Variants in CHAT observed in about 807,000 individuals in gnomAD.
CHAT encodes the protein choline O-acetyltransferase.
Under a neutral mutation model 76.9 loss-of-function variants are expected in CHAT, and 61 were observed. The observed-to-expected ratio is 0.79, with a 90% CI of 0.65 to 0.98. The LOEUF is 0.98. Among genes scored for constraint, CHAT ranks in the 50% least tolerant of loss-of-function variants. The probability of loss-of-function intolerance (pLI) is 0.00; values close to 1 mark genes in which losing one functional copy is unlikely to be tolerated. For synonymous variants in CHAT, 407 were observed against 397.4 expected (o/e 1.02, Z -0.29); for missense variants, 946 against 986.9 (o/e 0.96, Z 0.56).
intron 13 of CHAT, among the ~76,000 whole-genome samples, chr10:49,659,736 C>T (rs1430969361): frequency 6.6e-6 from 1 of 152,062 alleles, no homozygotes; most frequent in Admixed American, 6.6e-5. Flanking sequence ...GTGGCACATA[C>T]CTGTAATCCC....
At chr10:49,660,804 T>C (rs1840170727) in intron 13 of CHAT, among the ~76,000 whole-genome samples, 1 of 152,122 alleles carries the variant, frequency 6.6e-6, no homozygotes, top group Non-Finnish European at 1.5e-5. Context: ...AAAGGAGAGA[T>C]ACAAAGATGC....
intron 7 of CHAT, among the ~76,000 whole-genome samples, chr10:49,630,575 C>T (rs1839083219): frequency 6.6e-6 from 1 of 152,096 alleles, no homozygotes; most frequent in East Asian, 1.9e-4. Context: ...TTTTCTCAGA[C>T]ATTTTGACAC....
chr10:49,667,477 G>A lies in CHAT; in HGVS notation c.*2431G>A, dbSNP rs141597878. 6.7e-4 allele frequency among the ~76,000 whole-genome samples: 102 copies of A among 152,340 alleles called. No individual in the cohort carries two copies. Among genetic ancestry groups the A allele is most frequent in the Admixed American group, 1.4e-3 (22 of 15,314 alleles). Reference sequence around the variant, plus strand: ...GCTATGAGAAGCGCAAACAGTAAACGCTTGGCAGGAGGGAACACTTCCTCT... The same window carrying A: ...GCTATGAGAAGCGCAAACAGTAAACACTTGGCAGGAGGGAACACTTCCTCT... On this transcript the variant is annotated 3_prime_UTR_variant, in exon 15 of 15. Coordinates refer to ENST00000337653, the MANE Select transcript of CHAT (RefSeq NM_020549.5).
Position 49,662,779 on chromosome 10 carries a change from C to A in CHAT, c.1974C>A (p.Ser658Arg). 6.2e-7 allele frequency: 1 copy of A among 1,614,206 alleles called. No homozygotes were observed. Among genetic ancestry groups the A allele is most frequent in the Non-Finnish European group, 8.5e-7 (1 of 1,180,048 alleles). ...GCAACCGGTTTGTCCTCTCCACTAG[C>A]CAGGTACGGCCCCGTGCAGCTATCG... Reference protein sequence around the residue: ...LMSNRFVLSTSQVPTTTEMFC... With the variant: ...LMSNRFVLSTRQVPTTTEMFC... Residue 658 changes from serine to arginine, a missense_variant, in exon 14 of 15, where the codon AGC (serine) becomes AGA (arginine). Around this residue, in one of 3 missense-constraint regions of CHAT, gnomAD observed 349 missense variants for 393.9 expected, o/e 0.89. Transcript: ENST00000337653.
intron 10 of CHAT, among the ~76,000 whole-genome samples, chr10:49,649,919 C>T (rs1168874829): frequency 1.6e-5 from 2 of 127,532 alleles, no homozygotes; most frequent in African/African-American, 3.1e-5. Context: ...TGAGCAGAGT[C>T]AAGGCCGGGA....
Position 49,665,025 on chromosome 10 carries a change from C to G in CHAT, c.2226C>G (p.Pro742=), listed in dbSNP as rs748981265. The stretch of plus-strand genomic sequence containing the variant: ...CAACAAAGGAAAAAGCCACGAGGCC[C>G]AGCCAGGGACACCAACCTTGACTCC... ...PLATKEKATR[P]SQGHQP is the part of the protein sequence containing the mutation. Residue 742 remains proline (P), a synonymous_variant, in exon 15 of 15, where the codon CCC becomes CCG. Transcript: ENST00000337653. 1 of 1,614,050 alleles carries G rather than the reference C, an allele frequency of 6.2e-7. No individual in the cohort carries two copies. Among genetic ancestry groups the G allele is most frequent in the Admixed American group, 1.7e-5 (1 of 60,022 alleles).
In CHAT at chr10:49,655,424, T is replaced by A; in HGVS notation, c.1815T>A (p.Arg605=). 1 of 1,614,122 alleles carries A rather than the reference T, an allele frequency of 6.2e-7. No individual in the cohort carries two copies. Among genetic ancestry groups the A allele is most frequent in the Non-Finnish European group, 8.5e-7 (1 of 1,180,018 alleles). Residue 605 remains arginine, a synonymous_variant, in exon 13 of 15, where the codon CGT becomes CGA. Transcript: ENST00000337653. ...TTCTGCTCCTGAAGGATGCCATCCGTGCCCAGACTGCATACACAGTCATGG... is the reference window on the plus strand; with the variant it reads ...TTCTGCTCCTGAAGGATGCCATCCGAGCCCAGACTGCATACACAGTCATGG... ...EKLLLLKDAI[R]AQTAYTVMAI...
chr10:49,648,092 G>T (rs11101193), intron 8 of CHAT: 80,405 of 248,054 alleles, frequency 0.32, 14,370 homozygotes, highest in South Asian at 0.41. Context: ...TTGTAGAATG[G>T]GAGTAAAGAT....
chr10:49,611,034 G>T (rs1266139564), upstream of CHAT: 3 of 1,613,934 alleles, frequency 1.9e-6, no homozygotes, highest in Admixed American at 1.7e-5. Context: ...CCAACACCTC[G>T]GCGTCCCCGA....
At chr10:49,625,729 C>T (rs1838897594) in intron 6 of CHAT, 76 bp downstream of exon 6, 12 of 1,443,492 alleles carry the variant, frequency 8.3e-6, no homozygotes, top group Middle Eastern at 3.5e-4. Flanking sequence ...TTACCTTCTC[C>T]GAGGGGGCTC....
At chr10:49,639,582 T>C (rs1279019950) in intron 7 of CHAT, among the ~76,000 whole-genome samples, 1 of 151,812 alleles carries the variant, frequency 6.6e-6, no homozygotes, top group Non-Finnish European at 1.5e-5. Context: ...TGGGTGTGTG[T>C]GTCTATGTAT....
At chr10:49,648,218 T>C (rs893460883) in intron 8 of CHAT, among the ~76,000 whole-genome samples, 2 of 152,328 alleles carry the variant, frequency 1.3e-5, no homozygotes, top group Non-Finnish European at 2.9e-5. Context: ...AGACTCGTCC[T>C]GAGGATGAAC....
chr10:49,622,038 GA>G, intron 4 of CHAT, 58 bp from the exon 5 acceptor site: 1 of 1,570,784 alleles, frequency 6.4e-7, no homozygotes, highest in Non-Finnish European at 8.7e-7. Context: ...AGAAGGGAGG[GA>G]GGGAGGGAGG....
chr10:49,619,850 C>G lies in CHAT; in HGVS notation c.513C>G (p.Ala171=). 1.2e-6 allele frequency: 2 copies of G among 1,613,620 alleles called. No homozygotes were observed. Among genetic ancestry groups the G allele is most frequent in the Non-Finnish European group, 1.7e-6 (2 of 1,179,868 alleles). The part of the protein sequence containing the change: ...KSQAIVQQFG[A]PGGLGETLQQ... ...AGGCCATTGTGCAGCAGTTTGGGGC[C>G]CCTGGTGGCCTCGGCGAGACCCTGC... Residue 171 remains alanine (A), a synonymous_variant, in exon 3 of 15, where the codon GCC becomes GCG. Coordinates refer to ENST00000337653, the MANE Select transcript of CHAT (RefSeq NM_020549.5).
At chr10:49,637,986 C>T (rs755097897) in intron 7 of CHAT, among the ~76,000 whole-genome samples, 7 of 152,202 alleles carry the variant, frequency 4.6e-5, no homozygotes, top group Non-Finnish European at 8.8e-5. Flanking sequence ...ATTTCTTCTA[C>T]GTCCTTGCTG....
Position 49,625,583 on chromosome 10 carries a change from A to C in CHAT, c.863A>C (p.Asp288Ala). Reference protein sequence around the residue: ...SSYRLPGHTQDTLVAQNSSIM... With the variant: ...SSYRLPGHTQATLVAQNSSIM... Reference sequence around the variant, plus strand: ...TACCGGCTCCCCGGCCATACCCAGGACACGCTGGTGGCTCAGAACAGCAGC... The same window carrying C: ...TACCGGCTCCCCGGCCATACCCAGGCCACGCTGGTGGCTCAGAACAGCAGC... Residue 288 changes from aspartate (D) to alanine (A), a missense_variant, in exon 6 of 15, where the codon GAC becomes GCC. Physicochemically the swap from Asp to Ala is moderately radical, Grantham distance 126. Around this residue, in one of 3 missense-constraint regions of CHAT, gnomAD observed 548 missense variants for 516.2 expected, o/e 1.06. Coordinates refer to ENST00000337653, the MANE Select transcript of CHAT (RefSeq NM_020549.5). The C allele has an allele frequency of 6.2e-7, 1 of 1,610,048 alleles. No homozygotes were observed. Among genetic ancestry groups the C allele is most frequent in the Non-Finnish European group, 8.5e-7 (1 of 1,178,164 alleles).
At chr10:49,631,455 C>A (rs867720513) in intron 7 of CHAT, among the ~76,000 whole-genome samples, 4 of 152,152 alleles carry the variant, frequency 2.6e-5, no homozygotes, top group Non-Finnish European at 5.9e-5. Context: ...TTTAAAGGTC[C>A]CATCTCCAAA....
At chr10:49,611,799 A>C (rs1316342589), upstream of CHAT, 1 of 1,603,092 alleles carries the variant, frequency 6.2e-7, no homozygotes, top group Admixed American at 1.7e-5. Flanking sequence ...CGCGCTACCC[A>C]CACCTGCAGT....
chr10:49,610,963 C>T (rs1804951844), upstream of CHAT: 1 of 1,611,140 alleles, frequency 6.2e-7, no homozygotes, highest in African/African-American at 1.3e-5. Context: ...CACCCGGACT[C>T]CCGAGGTGTG....
Sources: gnomAD v4.1 joint callset for allele counts (sites outside exome capture counted in the v4.1 genomes callset) on GRCh38, gnomAD v4.1.1 for gene constraint, gnomAD v4.1.1 regional missense constraint, MANE v1.5 for transcripts, NCBI Gene and HGNC (gene_info 2026-07-23, HGNC 2026-07-21) for gene names.